Variants in FHIP1A observed in about 807,000 individuals in gnomAD.
FHIP1A encodes the protein FHF complex subunit HOOK interacting protein 1A.
In FHIP1A, 61 loss-of-function variants were observed where a neutral mutation model predicts 88.6. That is an observed-to-expected ratio of 0.69 (90% confidence interval 0.56 to 0.85). The LOEUF (loss-of-function observed/expected upper bound fraction) is 0.85. Ranked by LOEUF, FHIP1A falls within the 40% of genes least tolerant of loss-of-function variation. The pLI, the probability that FHIP1A is intolerant of heterozygous loss-of-function variation, is 0.00. For synonymous variants in FHIP1A, 478 were observed against 496.0 expected (o/e 0.96, Z 0.48); for missense variants, 1,154 against 1,273.5 (o/e 0.91, Z 1.43).
At chr4:151,485,255 T>A (rs545021599) in intron 3 of FHIP1A, among the ~76,000 whole-genome samples, 1 of 151,490 alleles carries the variant, frequency 6.6e-6, no homozygotes, top group Admixed American at 6.6e-5. Flanking sequence ...TTATAATTTC[T>A]TTCGAGCATA....
intron 3 of FHIP1A, among the ~76,000 whole-genome samples, chr4:151,531,522 A>G (rs995273589): frequency 4.9e-5 from 7 of 143,786 alleles, no homozygotes; most frequent in South Asian, 2.2e-4. Context: ...TTTTTGCCTT[A>G]TGAACCAGTC....
In FHIP1A at chr4:151,625,577, C is replaced by T. The variant is rs181513604; in HGVS notation, c.979-4125C>T. On this transcript the variant is annotated intron_variant, in intron 7 of 13. Coordinates refer to ENST00000435205, the MANE Select transcript of FHIP1A (RefSeq NM_001109977.3). The stretch of plus-strand genomic sequence containing the variant: ...TATATGCTCAATTTCACTCATACGC[C>T]GTGCAATAAGTTAATGTGCTTCTGC... 1.6e-4 allele frequency among the ~76,000 whole-genome samples: 24 copies of T among 152,238 alleles called. 1 individual carries two copies. Among genetic ancestry groups the T allele is most frequent in the Admixed American group, 9.8e-4 (15 of 15,290 alleles).
chr4:151,422,218 T>TA (rs201428102), intron 1 of FHIP1A, among the ~76,000 whole-genome samples: 3 of 127,202 alleles, frequency 2.4e-5, no homozygotes, highest in African/African-American at 2.7e-5. Flanking sequence ...TATGAGACAT[T>TA]AAAAAAATAT....
intron 3 of FHIP1A, among the ~76,000 whole-genome samples, chr4:151,518,847 T>A (rs1731350487): frequency 6.6e-6 from 1 of 151,978 alleles, no homozygotes; most frequent in Non-Finnish European, 1.5e-5. Context: ...CTGTTTTTAT[T>A]GTGACAAAAA....
In FHIP1A at chr4:151,656,560, T is replaced by C. The variant is rs540181365; in HGVS notation, c.2730+150T>C. 222 of 1,009,236 alleles carry C rather than the reference T, an allele frequency of 2.2e-4. No homozygotes were observed. The highest frequency in any genetic ancestry group is 1.8e-3 in the Middle Eastern group (7 of 3,808). The allele number at this position is 1,009,236 out of a possible 1,614,324, so 62.5% of individuals were successfully genotyped here. A position where few individuals can be genotyped will look rare whatever the true frequency, so the allele number is the denominator to read the frequency against. On this transcript the variant is annotated intron_variant, in intron 12 of 13. Coordinates refer to ENST00000435205, the MANE Select transcript of FHIP1A (RefSeq NM_001109977.3). The surrounding 1 kb of genome is among the most constrained non-coding windows in gnomAD (Gnocchi z 4.2). ...GTCCTATTAAGCTCACTGTGTAGTT[T>C]ATTCTAGACAAACTGTAGAGCTTCA...
At position 151,588,895 on chromosome 4, in the gene FHIP1A, T is replaced by A. The variant is rs1339399973; in HGVS notation, c.947T>A (p.Leu316Ter). 1 of 1,551,352 alleles carries A rather than the reference T, an allele frequency of 6.4e-7. No homozygotes were observed. ...GTCAATTACATTTACAATGGATTTT[T>A]GGTACCAGTCTTGGCTCCTGCTCTC... The part of the protein sequence containing the change: ...QLVNYIYNGF[L>*]VPVLAPALHK... The change falls in exon 7 of 14, where the codon TTG (leucine) becomes TAG (stop). Residue 316 changes from leucine to a stop codon, truncating the protein, a stop_gained. Transcript: ENST00000435205. LOFTEE classifies it high-confidence loss of function.
chr4:151,565,073 C>A (rs939469245), intron 3 of FHIP1A, among the ~76,000 whole-genome samples: 2 of 152,008 alleles, frequency 1.3e-5, no homozygotes, highest in African/African-American at 4.8e-5. Flanking sequence ...TAATGGCTAC[C>A]CCCTGTTTTC....
At chr4:151,635,932 C>G (rs1010754495) in intron 8 of FHIP1A, among the ~76,000 whole-genome samples, 1 of 151,916 alleles carries the variant, frequency 6.6e-6, no homozygotes, top group Non-Finnish European at 1.5e-5. Flanking sequence ...TTCACAGACT[C>G]TTTCAAAAAT....
At chr4:151,463,521 G>C (rs1188173365) in intron 2 of FHIP1A, among the ~76,000 whole-genome samples, 2 of 152,226 alleles carry the variant, frequency 1.3e-5, no homozygotes, top group Non-Finnish European at 2.9e-5. Flanking sequence ...GCCCCTTGCA[G>C]ATGGTTTTGA....
chr4:151,429,525 A>G (rs1028325140), intron 1 of FHIP1A, among the ~76,000 whole-genome samples: 5 of 152,228 alleles, frequency 3.3e-5, no homozygotes, highest in African/African-American at 1.2e-4. Context: ...GTAGTTTACA[A>G]GCCACATAAA....
chr4:151,583,610 C>T (rs1734103115), intron 5 of FHIP1A, among the ~76,000 whole-genome samples: 1 of 152,148 alleles, frequency 6.6e-6, no homozygotes, highest in Non-Finnish European at 1.5e-5. Flanking sequence ...TTTAGTCAGA[C>T]AAATTAAGCC....
At chr4:151,593,685 A>G (rs1373571768) in intron 7 of FHIP1A, among the ~76,000 whole-genome samples, 2 of 152,220 alleles carry the variant, frequency 1.3e-5, no homozygotes, top group African/African-American at 2.4e-5. Context: ...TTTTCTAAAT[A>G]TACAATCAGG....
chr4:151,652,734 G>A (rs1473142127), intron 11 of FHIP1A, among the ~76,000 whole-genome samples: 1 of 152,210 alleles, frequency 6.6e-6, no homozygotes, highest in Admixed American at 6.5e-5. Context: ...CCAGGTGAAA[G>A]CAGGTGAGAA....
chr4:151,599,868 C>G (rs1394384058), intron 7 of FHIP1A, among the ~76,000 whole-genome samples: 1 of 152,152 alleles, frequency 6.6e-6, no homozygotes, highest in South Asian at 2.1e-4. Flanking sequence ...AGACCTCTTT[C>G]CTGGTGTACA....
intron 13 of FHIP1A, among the ~76,000 whole-genome samples, chr4:151,661,426 T>TTTA (rs1553964126): frequency 6.7e-6 from 1 of 150,154 alleles, no homozygotes; most frequent in Non-Finnish European, 1.5e-5. Context: ...TTTTTTTTTT[T>TTTA]AACACTAAAG....
At chr4:151,630,020 C>T (rs1265825663) in intron 8 of FHIP1A, among the ~76,000 whole-genome samples, 151 bp downstream of exon 8, 1 of 151,540 alleles carries the variant, frequency 6.6e-6, no homozygotes, top group African/African-American at 2.4e-5. Flanking sequence ...CCATTACCTT[C>T]TTTCTATTTG....
chr4:151,495,687 G>C (rs1015540036), intron 3 of FHIP1A, among the ~76,000 whole-genome samples: 9 of 137,162 alleles, frequency 6.6e-5, no homozygotes, highest in Non-Finnish European at 1.4e-4. Context: ...GCAGTGGTGT[G>C]ATCTCGGCTC....
intron 7 of FHIP1A, among the ~76,000 whole-genome samples, chr4:151,611,391 A>G (rs1163070591): frequency 6.6e-6 from 1 of 152,222 alleles, no homozygotes; most frequent in Non-Finnish European, 1.5e-5. Flanking sequence ...TGAAAAATGA[A>G]CCAAAAAATA....
chr4:151,513,499 C>G (rs1014654639), intron 3 of FHIP1A, among the ~76,000 whole-genome samples: 65 of 152,254 alleles, frequency 4.3e-4, no homozygotes, highest in African/African-American at 1.4e-3. Context: ...TTAGAAGACA[C>G]AGACTGGCAA....
Sources: gnomAD v4.1 joint callset for allele counts (sites outside exome capture counted in the v4.1 genomes callset) on GRCh38, gnomAD v4.1.1 for gene constraint, Gnocchi (gnomAD v3.1) non-coding constraint, MANE v1.5 for transcripts, NCBI Gene and HGNC (gene_info 2026-07-23, HGNC 2026-07-21) for gene names.